ADGRB1: variants seen among roughly 807,000 people sequenced by gnomAD.
The protein encoded by ADGRB1 is adhesion G protein-coupled receptor B1.
ADGRB1 carries 36 observed loss-of-function variants against 175.7 expected under a neutral mutation model. The observed-to-expected ratio is 0.20, with a 90% CI of 0.16 to 0.27. The LOEUF is 0.27. Among genes scored for constraint, ADGRB1 ranks in the 10% least tolerant of loss-of-function variants. The probability of loss-of-function intolerance (pLI) is 1.00; values close to 1 mark genes in which losing one functional copy is unlikely to be tolerated. For missense variants in ADGRB1, 1,731 were observed against 2,255.3 expected, an observed-to-expected ratio of 0.77 and a Z score of 4.71; for synonymous variants, 1,054 against 979.4, an observed-to-expected ratio of 1.08 and a Z score of -1.42.
intron 1 of ADGRB1, among the ~76,000 whole-genome samples, chr8:142,462,665 C>T (rs1840031767): frequency 1.3e-5 from 2 of 152,232 alleles, no homozygotes; most frequent in African/African-American, 4.8e-5. Flanking sequence ...CGGCAAGTCC[C>T]GTGGGCGGGC....
intron 24 of ADGRB1, among the ~76,000 whole-genome samples, chr8:142,531,250 C>T (rs1325454030): frequency 1.3e-5 from 2 of 152,234 alleles, no homozygotes; most frequent in African/African-American, 2.4e-5. Flanking sequence ...AGGCCCCAGC[C>T]GAGGGGTCCT....
At chr8:142,479,936 G>A in intron 9 of ADGRB1, 142 bp downstream of exon 9, 1 of 893,270 alleles carries the variant, frequency 1.1e-6, no homozygotes, top group Non-Finnish European at 1.7e-6. Flanking sequence ...GGGTGGTGGG[G>A]CCGCGAGCCC....
In ADGRB1 at chr8:142,469,580, CATGTGTGA is replaced by C. The variant is rs879630628; in HGVS notation, c.784+4606_784+4613del. Among the ~76,000 whole-genome samples the C allele has an allele frequency of 6.7e-3, 888 of 132,122 alleles. 10 individuals carry two copies. The highest frequency in any genetic ancestry group is 0.024 in the African/African-American group (808 of 33,422). 86.7% of individuals were successfully genotyped at this position (132,122 alleles called of 152,430 possible). The stretch of plus-strand genomic sequence containing the variant: ...GTGTGTGAATGTGTGTGCATGTGTG[CATGTGTGA>C]ATGTGTGTGTGCACGTGCATGTGTG... On this transcript the variant is annotated intron_variant, in intron 2 of 30. Coordinates refer to ENST00000517894, the MANE Select transcript of ADGRB1 (RefSeq NM_001702.3).
Position 142,477,509 on chromosome 8 carries a change from T to C in ADGRB1, c.1347T>C (p.Pro449=). 1 of 1,613,200 alleles carries C rather than the reference T, an allele frequency of 6.2e-7. No individual in the cohort carries two copies. The part of the protein sequence containing the change: ...PQFGGNPCEG[P]EKQTKFCNIA... ...TTGGGGGCAACCCCTGTGAGGGCCC[T>C]GAGAAGCAAACCAAGTTCTGCAACA... is the stretch of plus-strand genomic sequence containing the variant. The change falls in exon 6 of 31, where the codon CCT becomes CCC. Residue 449 remains proline, a synonymous_variant. Transcript: ENST00000517894.
chr8:142,540,510 G>A (rs776910455), intron 27 of ADGRB1, among the ~76,000 whole-genome samples: 10 of 146,858 alleles, frequency 6.8e-5, no homozygotes, highest in East Asian at 6.1e-4. Flanking sequence ...GGTGCTGAGC[G>A]CCTGGGAGCT....
chr8:142,500,065 G>A (rs1033242523), intron 17 of ADGRB1, among the ~76,000 whole-genome samples: 2 of 152,106 alleles, frequency 1.3e-5, no homozygotes, highest in African/African-American at 4.8e-5. Context: ...CCCTCAGCAC[G>A]GACAGGTCTG....
chr8:142,536,926 C>G, intron 25 of ADGRB1, 61 bp from the exon 26 acceptor site: 1 of 1,423,030 alleles, frequency 7.0e-7, no homozygotes, highest in South Asian at 1.3e-5. Flanking sequence ...CTCATCTGAT[C>G]TGGCGCTGGC....
chr8:142,458,001 CCCCT>C (rs1839773954), intron 1 of ADGRB1, among the ~76,000 whole-genome samples: 1 of 152,186 alleles, frequency 6.6e-6, no homozygotes, highest in Non-Finnish European at 1.5e-5. Flanking sequence ...GCCCACCCCG[CCCCT>C]CCCCCCGTGC....
At chr8:142,480,407 C>T (rs1374379733) in intron 9 of ADGRB1, among the ~76,000 whole-genome samples, 1 of 152,174 alleles carries the variant, frequency 6.6e-6, no homozygotes, top group African/African-American at 2.4e-5. Flanking sequence ...TTCCTCTGCT[C>T]AGAGCTGCTG....
intron 10 of ADGRB1, 74 bp downstream of exon 10, chr8:142,481,434 G>A (rs1841332087): frequency 2.3e-5 from 37 of 1,595,512 alleles, no homozygotes; most frequent in Non-Finnish European, 3.0e-5. Flanking sequence ...CCCTGCAGAG[G>A]GTCCTAGGCA....
At chr8:142,519,675 GTGA>G (rs1312861912) in intron 19 of ADGRB1, among the ~76,000 whole-genome samples, 21 of 146,254 alleles carry the variant, frequency 1.4e-4, no homozygotes, top group African/African-American at 3.0e-4. Context: ...GGTAGTGGTG[GTGA>G]TGGTGGTAGT....
Position 142,490,760 on chromosome 8 carries a change from C to T in ADGRB1, c.2632-12C>T. On this transcript the variant is annotated splice_polypyrimidine_tract_variant and intron_variant, in intron 16 of 30. Transcript: ENST00000517894. ...CTGCCAGGGGCCCTGACTCCTCTCC[C>T]CTCTCTCCCAGGGCACCACCAACCA... The T allele has an allele frequency of 1.3e-6, 2 of 1,572,816 alleles. No homozygotes were observed. The highest frequency in any genetic ancestry group is 8.6e-7 in the Non-Finnish European group (1 of 1,159,156).
intron 17 of ADGRB1, among the ~76,000 whole-genome samples, chr8:142,503,802 G>T (rs1842737017): frequency 6.6e-6 from 1 of 152,202 alleles, no homozygotes; most frequent in Non-Finnish European, 1.5e-5. Flanking sequence ...CTGGACCCTG[G>T]GGAGGGCTGG....
chr8:142,482,974 A>C lies in ADGRB1; in HGVS notation c.2131-1003A>C, dbSNP rs568765026. Among the ~76,000 whole-genome samples, 22 of 149,178 alleles carry C rather than the reference A, an allele frequency of 1.5e-4. No individual in the cohort carries two copies. The East Asian group carries it at 4.5e-3, about 31-fold the overall frequency. On this transcript the variant is annotated intron_variant, in intron 11 of 30. Transcript: ENST00000517894. ...CTGAGCCCTGACCCTGGTCACACTG[A>C]GCCCAGATCCTGGTCACACACTGAG...
chr8:142,468,489 C>T (rs1840408353), intron 2 of ADGRB1, among the ~76,000 whole-genome samples: 1 of 152,202 alleles, frequency 6.6e-6, no homozygotes. Flanking sequence ...GACCCTAGTG[C>T]CCACGCTCTG....
intron 1 of ADGRB1, among the ~76,000 whole-genome samples, chr8:142,454,443 G>A (rs74548333): frequency 9.2e-5 from 14 of 152,288 alleles, no homozygotes; most frequent in South Asian, 8.3e-4. Flanking sequence ...AGGTGCACAC[G>A]GGTGCACACG....
intron 1 of ADGRB1, among the ~76,000 whole-genome samples, chr8:142,459,201 G>T (rs183128003): frequency 6.6e-6 from 1 of 152,348 alleles, no homozygotes; most frequent in East Asian, 1.9e-4. Context: ...GGAGGATGAG[G>T]CTGGAAAAGC....
At chr8:142,475,828 A>G (rs962219882) in intron 3 of ADGRB1, among the ~76,000 whole-genome samples, 193 bp downstream of exon 3, 3 of 137,860 alleles carry the variant, frequency 2.2e-5, no homozygotes, top group Non-Finnish European at 4.8e-5. Flanking sequence ...GGCCTGGCAG[A>G]CGCTGGGCGG....
intron 25 of ADGRB1, among the ~76,000 whole-genome samples, chr8:142,534,567 C>G (rs1377236183): frequency 2.0e-5 from 3 of 152,332 alleles, no homozygotes; most frequent in East Asian, 3.9e-4. Flanking sequence ...CGAGGAAAGA[C>G]AAGAGGAGGA....
Sources: gnomAD v4.1 joint callset for allele counts (sites outside exome capture counted in the v4.1 genomes callset) on GRCh38, gnomAD v4.1.1 for gene constraint, MANE v1.5 for transcripts, NCBI Gene and HGNC (gene_info 2026-07-23, HGNC 2026-07-21) for gene names.